Variants in PARP6 observed in about 807,000 individuals in gnomAD.
The protein encoded by PARP6 is poly(ADP-ribose) polymerase family member 6.
A neutral mutation model predicts 92.0 loss-of-function variants in PARP6; 27 were observed. The ratio of observed to expected loss-of-function variants is 0.29; its 90% CI spans 0.22 to 0.40. PARP6 has a LOEUF of 0.40. PARP6 is among the 10% of genes least tolerant of loss of function. The pLI, the probability that PARP6 is intolerant of heterozygous loss-of-function variation, is 1.00. For missense variants in PARP6, 501 were observed against 784.5 expected, an observed-to-expected ratio of 0.64 and a Z score of 4.32; for synonymous variants, 272 against 281.2, an observed-to-expected ratio of 0.97 and a Z score of 0.33.
rs749641772 is a variant in PARP6 at position 72,250,011 on chromosome 15, C to T, written c.1491+9G>A. 2.5e-6 allele frequency: 4 copies of T among 1,573,334 alleles called. No individual in the cohort carries two copies. The highest frequency in any genetic ancestry group is 2.2e-5 in the East Asian group (1 of 44,712). On this transcript the variant is annotated intron_variant, in intron 19 of 23. Coordinates refer to ENST00000569795, the MANE Select transcript of PARP6 (RefSeq NM_001323532.2). Reference sequence around the variant, plus strand: ...GTTAGAAATAAAGGAGAAAGGGGCACAGCCTCACCTGCAGTTTGGTGTAGG... The same window carrying T: ...GTTAGAAATAAAGGAGAAAGGGGCATAGCCTCACCTGCAGTTTGGTGTAGG...
chr15:72,271,586 G>A lies in PARP6; in HGVS notation c.-459-299C>T, dbSNP rs568736047. Among the ~76,000 whole-genome samples the A allele has an allele frequency of 3.9e-5, 6 of 152,288 alleles. No individual in the cohort carries two copies. In the South Asian group the frequency reaches 1.0e-3, roughly 26 times the overall value. Reference sequence around the variant, plus strand: ...ACACAGAATACTTAGACCTACAGAGGTCGACCAATTTGCTTAAGGTTAGGA... The same window carrying A: ...ACACAGAATACTTAGACCTACAGAGATCGACCAATTTGCTTAAGGTTAGGA... On this transcript the variant is annotated intron_variant, in intron 1 of 23. Transcript: ENST00000569795.
At chr15:72,267,452 A>T in intron 3 of PARP6, 23 bp downstream of exon 3, 1 of 1,613,148 alleles carries the variant, frequency 6.2e-7, no homozygotes, top group African/African-American at 1.3e-5. Flanking sequence ...AATCAGTTGG[A>T]GAGGTGGGCA....
At chr15:72,266,347 G>A (rs967266063) in intron 4 of PARP6, among the ~76,000 whole-genome samples, 1 of 152,214 alleles carries the variant, frequency 6.6e-6, no homozygotes, top group Admixed American at 6.5e-5. Flanking sequence ...TTGGTTCTAA[G>A]TGAAGAGCAT....
chr15:72,268,600 A>G (rs1481643383), intron 2 of PARP6, among the ~76,000 whole-genome samples: 2 of 152,246 alleles, frequency 1.3e-5, no homozygotes, highest in Non-Finnish European at 2.9e-5. Context: ...CAGGAGGCTG[A>G]GGCAGGAGAA....
intron 11 of PARP6, 93 bp from the exon 12 acceptor site, chr15:72,258,225 CCT>C: frequency 1.1e-6 from 1 of 875,032 alleles, no homozygotes; most frequent in Admixed American, 1.8e-5. Flanking sequence ...TACCCTCCAT[CCT>C]CCCAGCCCCG....
intron 10 of PARP6, 132 bp downstream of exon 10, chr15:72,260,346 C>T: frequency 1.4e-6 from 1 of 706,582 alleles, no homozygotes; most frequent in Non-Finnish European, 2.5e-6. Flanking sequence ...TCTACTCACT[C>T]ATGGTACATA....
chr15:72,250,681 T>C (rs572906818), intron 18 of PARP6, among the ~76,000 whole-genome samples, 164 bp downstream of exon 18: 4 of 152,364 alleles, frequency 2.6e-5, no homozygotes, highest in South Asian at 2.1e-4. Context: ...GACCACATTA[T>C]ATGTACCTTT....
intron 1 of PARP6, 142 bp downstream of exon 1, chr15:72,272,251 C>T (rs2087556949): frequency 6.6e-6 from 1 of 152,400 alleles, no homozygotes; most frequent in South Asian, 2.1e-4. Context: ...CGGGGCTCCC[C>T]TGAAGACCCC....
intron 13 of PARP6, 74 bp from the exon 14 acceptor site, chr15:72,256,664 T>TTCTC: frequency 8.1e-7 from 1 of 1,230,080 alleles, no homozygotes; most frequent in African/African-American, 1.6e-5. Context: ...TACCCAGTAT[T>TTCTC]TCTCTCTGAT....
In PARP6 at chr15:72,257,344, A is replaced by G; in HGVS notation, c.999+4T>C. The stretch of plus-strand genomic sequence containing the variant: ...TTCCCCAGCCACGTTTCCCTCCCCC[A>G]TACCTCTGCTCCAGTGGCCACCTCC... On this transcript the variant is annotated splice_donor_region_variant and intron_variant, in intron 13 of 23. Coordinates refer to ENST00000569795, the MANE Select transcript of PARP6 (RefSeq NM_001323532.2). The G allele has an allele frequency of 6.2e-7, 1 of 1,608,684 alleles. No individual in the cohort carries two copies. Among genetic ancestry groups the G allele is most frequent in the Non-Finnish European group, 8.5e-7 (1 of 1,175,074 alleles).
intron 5 of PARP6, 61 bp from the exon 6 acceptor site, chr15:72,265,534 C>A: frequency 7.6e-7 from 1 of 1,320,264 alleles, no homozygotes; most frequent in Admixed American, 1.7e-5. Context: ...GGAATAGAAA[C>A]TGAGTTGGAA....
At chr15:72,259,552 C>A in intron 11 of PARP6, 56 bp downstream of exon 11, 1 of 1,487,674 alleles carries the variant, frequency 6.7e-7, no homozygotes, top group Non-Finnish European at 9.4e-7. Context: ...TGTTAGGAGA[C>A]CAAATGGGTC....
chr15:72,260,098 G>A (rs1454250469), intron 10 of PARP6, among the ~76,000 whole-genome samples: 1 of 152,186 alleles, frequency 6.6e-6, no homozygotes, highest in Non-Finnish European at 1.5e-5. Context: ...AAGGAAGGCG[G>A]ATCACTTGAG....
Position 72,250,621 on chromosome 15 carries a change from A to G in PARP6, c.1418+224T>C, listed in dbSNP as rs1319946016. ...TATTTCTTCAGCCACATCTTTTCAC[A>G]TGTAAATGTCATTTTTCCTCAACTA... is the stretch of plus-strand genomic sequence containing the variant. On this transcript the variant is annotated intron_variant, in intron 18 of 23. Transcript: ENST00000569795. Among the ~76,000 whole-genome samples, 4 of 152,312 alleles carry G rather than the reference A, an allele frequency of 2.6e-5. No individual in the cohort carries two copies. The South Asian group carries it at 6.2e-4, about 24-fold the overall frequency.
rs750206509 is a variant in PARP6, at chr15:72,267,493, C to T, written c.-16G>A. The T allele has an allele frequency of 6.2e-7, 1 of 1,613,808 alleles. No homozygotes were observed. The highest frequency in any genetic ancestry group is 8.5e-7 in the Non-Finnish European group (1 of 1,179,746). Reference sequence around the variant, plus strand: ...TTCTCACCATTGGGTCAGTGGGTCACACACACTCTCAGGTCAGTGCTAGGC... The same window carrying T: ...TTCTCACCATTGGGTCAGTGGGTCATACACACTCTCAGGTCAGTGCTAGGC... On this transcript the variant is annotated 5_prime_UTR_variant, in exon 3 of 24. In the 5' UTR this introduces an upstream ATG that the reference lacks. Transcript: ENST00000569795.
Position 72,256,490 on chromosome 15 carries a change from G to A in PARP6, c.1100C>T (p.Pro367Leu). 6.3e-7 allele frequency: 1 copy of A among 1,585,322 alleles called. No homozygotes were observed. The highest frequency in any genetic ancestry group is 8.6e-7 in the Non-Finnish European group (1 of 1,168,506). ...CTTAGGGTTAAAGGCCAGAGTCTTG[G>A]GATCAGTGGGGTCCACCACAGAGGG... ...PYPSVVDPTD[P>L]KTLAFNPKKK... Residue 367 changes from proline (P) to leucine (L), a missense_variant, in exon 14 of 24, where the codon CCC becomes CTC. Coordinates refer to ENST00000569795, the MANE Select transcript of PARP6 (RefSeq NM_001323532.2).
At chr15:72,243,373 C>G (rs2083273544) in intron 20 of PARP6, 1 of 152,258 alleles carries the variant, frequency 6.6e-6, no homozygotes, top group Non-Finnish European at 1.5e-5. Context: ...CAGATTTGCT[C>G]TAGTCTCAAA....
At chr15:72,267,878 A>G (rs780355769) in intron 2 of PARP6, among the ~76,000 whole-genome samples, 1 of 152,038 alleles carries the variant, frequency 6.6e-6, no homozygotes. Flanking sequence ...CAGCCTCCCA[A>G]GTAGCTGGAA....
intron 20 of PARP6, among the ~76,000 whole-genome samples, chr15:72,247,339 T>C (rs1460746839): frequency 6.6e-6 from 1 of 151,976 alleles, no homozygotes; most frequent in Admixed American, 6.6e-5. Flanking sequence ...CAGACCTGGT[T>C]ATTTTTATTT....
Sources: gnomAD v4.1 joint callset for allele counts (sites outside exome capture counted in the v4.1 genomes callset) on GRCh38, gnomAD v4.1.1 for gene constraint, MANE v1.5 for transcripts, NCBI Gene and HGNC (gene_info 2026-07-23, HGNC 2026-07-21) for gene names.